The following HIVEP2 variants were observed in gnomAD, a reference collection of about 807,000 sequenced individuals.
HIVEP2 encodes HIVEP zinc finger 2, also known as transcription factor HIVEP2.
HIVEP2 carries 14 observed loss-of-function variants against 180.7 expected under a neutral mutation model. That is an observed-to-expected ratio of 0.08 (90% CI 0.05 to 0.12). The LOEUF (loss-of-function observed/expected upper bound fraction) is 0.12, where lower values mean the gene tolerates loss of function less well. Ranked by LOEUF, HIVEP2 falls within the 10% of genes least tolerant of loss-of-function variation. The pLI is 1.00. For missense variants in HIVEP2, 2,579 were observed against 3,008.5 expected (o/e 0.86, Z 3.34); for synonymous variants, 1,184 against 1,136.4 (o/e 1.04, Z -0.84).
At chr6:142,851,877 G>A (rs1775688952) in intron 1 of HIVEP2, among the ~76,000 whole-genome samples, 1 of 152,196 alleles carries the variant, frequency 6.6e-6, no homozygotes, top group South Asian at 2.1e-4. Context: ...CGGTGGAAGA[G>A]TTTCAGTGGG....
chr6:142,894,716 A>AT (rs1163961400), intron 1 of HIVEP2, among the ~76,000 whole-genome samples: 8 of 151,718 alleles, frequency 5.3e-5, no homozygotes, highest in Non-Finnish European at 7.4e-5. Flanking sequence ...GTAGGCACTA[A>AT]TTTTTTTTTA....
At chr6:142,754,234 A>G (rs946893278) in intron 9 of HIVEP2, among the ~76,000 whole-genome samples, 8 of 152,042 alleles carry the variant, frequency 5.3e-5, no homozygotes, top group Non-Finnish European at 8.8e-5. Flanking sequence ...TGTTTTTTTC[A>G]CAAGAGATAA....
intron 1 of HIVEP2, among the ~76,000 whole-genome samples, chr6:142,909,202 T>C (rs914776125): frequency 3.3e-5 from 5 of 152,188 alleles, no homozygotes; most frequent in Non-Finnish European, 5.9e-5. Flanking sequence ...ATCATTATGA[T>C]CTATTAAAGA....
intron 1 of HIVEP2, among the ~76,000 whole-genome samples, chr6:142,849,020 GA>G (rs1775583167): frequency 6.6e-6 from 1 of 152,172 alleles, no homozygotes; most frequent in African/African-American, 2.4e-5. Flanking sequence ...TCTACCTGGT[GA>G]AATCTATTTT....
intron 1 of HIVEP2, among the ~76,000 whole-genome samples, chr6:142,918,373 TC>T (rs1286719354): frequency 6.6e-6 from 1 of 152,130 alleles, no homozygotes; most frequent in Non-Finnish European, 1.5e-5. Flanking sequence ...TTAAACGAAC[TC>T]AAGAGTTAAA....
chr6:142,753,631 T>C lies in HIVEP2; in HGVS notation c.6817A>G (p.Lys2273Glu). 1 of 1,614,146 alleles carries C rather than the reference T, an allele frequency of 6.2e-7. No individual in the cohort carries two copies. Among genetic ancestry groups the C allele is most frequent in the Non-Finnish European group, 8.5e-7 (1 of 1,180,022 alleles). The change falls in exon 10 of 10, where the codon AAG (lysine) becomes GAG (glutamate). Residue 2273 changes from lysine (K) to glutamate (E), a missense_variant. Physicochemically the swap from Lys to Glu is moderately conservative, Grantham distance 56 (BLOSUM62 1). This residue lies in a region of HIVEP2 where 660 missense variants were observed against 731.7 expected (regional missense o/e 0.90). Coordinates refer to ENST00000367603, the MANE Select transcript of HIVEP2 (RefSeq NM_006734.4). ...TGCTTAGAAAGCACATAGGGGTCCT[T>C]GGAGAAGGACTCCCCTGACGCGCCT... ...KKGASGESFS[K>E]DPYVLSKQHE...
Position 142,760,056 on chromosome 6 carries a change from G to T in HIVEP2, c.6232C>A (p.Pro2078Thr). 6.2e-7 allele frequency: 1 copy of T among 1,614,084 alleles called. No homozygotes were observed. The highest frequency in any genetic ancestry group is 8.5e-7 in the Non-Finnish European group (1 of 1,180,004). ...GDLSPRRHLS[P>T]RRDLSPMRHL... is the part of the protein sequence containing the mutation. Reference sequence around the variant, plus strand: ...CTCATGGGTGACAGATCTCTCCTAGGTGATAAATGTCTCCTGGGAGATAAA... The same window carrying T: ...CTCATGGGTGACAGATCTCTCCTAGTTGATAAATGTCTCCTGGGAGATAAA... The change falls in exon 9 of 10, where the codon CCT becomes ACT. Residue 2078 changes from proline to threonine, a missense_variant. Pro to Thr is a conservative substitution (Grantham distance 38). Transcript: ENST00000367603.
chr6:142,781,883 G>A (rs2114689619), intron 3 of HIVEP2, among the ~76,000 whole-genome samples: 1 of 152,250 alleles, frequency 6.6e-6, no homozygotes, highest in South Asian at 2.1e-4. Context: ...GGCTTACTCT[G>A]CAGAGGAATA....
intron 1 of HIVEP2, among the ~76,000 whole-genome samples, chr6:142,902,059 GTCAA>G (rs1777146183): frequency 1.3e-5 from 2 of 152,070 alleles, no homozygotes; most frequent in African/African-American, 2.4e-5. Flanking sequence ...CCACACCAAA[GTCAA>G]TCAATCAATC....
chr6:142,888,787 TTCTC>T (rs1234648046), intron 1 of HIVEP2, among the ~76,000 whole-genome samples: 1 of 152,224 alleles, frequency 6.6e-6, no homozygotes, highest in Admixed American at 6.5e-5. Context: ...CTTGTCTGTC[TTCTC>T]TCTAATTCCA....
intron 1 of HIVEP2, among the ~76,000 whole-genome samples, chr6:142,846,920 A>C (rs1775530138): frequency 6.6e-6 from 1 of 152,206 alleles, no homozygotes; most frequent in Non-Finnish European, 1.5e-5. Flanking sequence ...TACGCAGGTA[A>C]AGCTGGCACC....
chr6:142,813,734 T>A (rs1436806264), intron 2 of HIVEP2, among the ~76,000 whole-genome samples: 3 of 151,694 alleles, frequency 2.0e-5, no homozygotes, highest in African/African-American at 7.3e-5. Flanking sequence ...TGCCCCAGAA[T>A]TTTTTATTTT....
intron 1 of HIVEP2, among the ~76,000 whole-genome samples, chr6:142,911,460 G>A (rs1007471461): frequency 6.6e-6 from 1 of 152,066 alleles, no homozygotes; most frequent in African/African-American, 2.4e-5. Flanking sequence ...ATGAGATATT[G>A]GTTTGGGAAA....
At position 142,890,433 on chromosome 6, in the gene HIVEP2, C is replaced by T. The variant is rs76520874; in HGVS notation, c.-640-53386G>A. Among the ~76,000 whole-genome samples the T allele has an allele frequency of 8.1e-3, 1,241 of 152,310 alleles. 77 individuals are homozygous for T. In the East Asian group the frequency reaches 0.17, roughly 20 times the overall value. On this transcript the variant is annotated intron_variant, in intron 1 of 9. Coordinates refer to ENST00000367603, the MANE Select transcript of HIVEP2 (RefSeq NM_006734.4). ...ACTCTAAATTCATTGAAGGTAGAAA[C>T]GATCTTGCTTCATTTCCCTGTACAC...
chr6:142,920,544 C>A (rs9496480), intron 1 of HIVEP2, among the ~76,000 whole-genome samples: 16,130 of 152,226 alleles, frequency 0.11, 1,035 homozygotes, highest in South Asian at 0.13. Flanking sequence ...TGAATACATC[C>A]TGTGCTTCAA....
At chr6:142,848,043 T>G (rs545349497) in intron 1 of HIVEP2, among the ~76,000 whole-genome samples, 1 of 152,362 alleles carries the variant, frequency 6.6e-6, no homozygotes, top group African/African-American at 2.4e-5. Flanking sequence ...CTTCTTATAT[T>G]TAACATTAAC....
Position 142,883,449 on chromosome 6 carries a change from T to A in HIVEP2, c.-640-46402A>T, listed in dbSNP as rs1346129649. On this transcript the variant is annotated intron_variant, in intron 1 of 9. Coordinates refer to ENST00000367603, the MANE Select transcript of HIVEP2 (RefSeq NM_006734.4). ...ATCAACAGACAAGCAGCTATTTCCT[T>A]CCCACACAAACTATAATCTTTTGTG... is the stretch of plus-strand genomic sequence containing the variant. Among the ~76,000 whole-genome samples the A allele has an allele frequency of 2.0e-5, 3 of 152,088 alleles. No individual in the cohort carries two copies. In the East Asian group the frequency reaches 5.8e-4, roughly 29 times the overall value.
At chr6:142,856,535 C>T (rs903971032) in intron 1 of HIVEP2, among the ~76,000 whole-genome samples, 6 of 152,210 alleles carry the variant, frequency 3.9e-5, no homozygotes, top group South Asian at 2.1e-4. Context: ...GGAGAGGGGG[C>T]CTTGCTAAGC....
intron 1 of HIVEP2, among the ~76,000 whole-genome samples, chr6:142,889,910 T>C (rs1562280313): frequency 6.6e-6 from 1 of 152,176 alleles, no homozygotes; most frequent in Non-Finnish European, 1.5e-5. Flanking sequence ...AGAAACTGAT[T>C]TTTCAATTTT....
Sources: allele counts gnomAD v4.1 joint callset (sites outside exome capture counted in the v4.1 genomes callset), GRCh38; gene constraint gnomAD v4.1.1; regional missense constraint gnomAD v4.1.1; transcripts MANE v1.5; gene names NCBI Gene and HGNC (gene_info 2026-07-23, HGNC 2026-07-21).